Variants in NUDT3 observed in about 807,000 individuals in gnomAD.
The protein encoded by NUDT3 is diphosphoinositol polyphosphate phosphohydrolase 1.
NUDT3 carries 9 observed loss-of-function variants against 23.6 expected under a neutral mutation model. The observed-to-expected ratio is 0.38, with a 90% CI of 0.23 to 0.66. The LOEUF (loss-of-function observed/expected upper bound fraction) is 0.66. Ranked by LOEUF, NUDT3 falls within the 30% of genes least tolerant of loss-of-function variation. The probability of loss-of-function intolerance (pLI) is 0.52; values close to 1 mark genes in which losing one functional copy is unlikely to be tolerated. For missense variants in NUDT3, 172 were observed against 218.5 expected (o/e 0.79, Z 1.34); for synonymous variants, 86 against 82.6 (o/e 1.04, Z -0.22).
chr6:34,340,266 T>C (rs1764268394), intron 2 of NUDT3, among the ~76,000 whole-genome samples: 1 of 152,196 alleles, frequency 6.6e-6, no homozygotes, highest in African/African-American at 2.4e-5. Context: ...GACTTCTTAT[T>C]ATGCGATATA....
chr6:34,340,088 A>C (rs941880998), intron 2 of NUDT3, among the ~76,000 whole-genome samples: 1 of 152,226 alleles, frequency 6.6e-6, no homozygotes, highest in East Asian at 1.9e-4. Flanking sequence ...AAAGAGACCC[A>C]TGAGGTGAAA....
intron 1 of NUDT3, among the ~76,000 whole-genome samples, chr6:34,362,271 C>T (rs981095040): frequency 6.6e-6 from 1 of 152,176 alleles, no homozygotes; most frequent in Non-Finnish European, 1.5e-5. Context: ...AGTGCAGTGG[C>T]ATGATCATAG....
At chr6:34,381,600 A>C (rs994878987) in intron 1 of NUDT3, among the ~76,000 whole-genome samples, 3 of 152,126 alleles carry the variant, frequency 2.0e-5, no homozygotes, top group Non-Finnish European at 4.4e-5. Context: ...ATAAAATCTA[A>C]AAGTTTTGTC....
chr6:34,360,243 A>G (rs1764628567), intron 1 of NUDT3, among the ~76,000 whole-genome samples: 1 of 150,862 alleles, frequency 6.6e-6, no homozygotes, highest in African/African-American at 2.4e-5. Context: ...GTCTCAAAAA[A>G]AAAAAAAAAA....
In NUDT3 at chr6:34,295,704, A is replaced by G; in HGVS notation, c.211-19T>C. The G allele has an allele frequency of 6.2e-7, 1 of 1,613,620 alleles. No individual in the cohort carries two copies. The highest frequency in any genetic ancestry group is 8.5e-7 in the Non-Finnish European group (1 of 1,179,752). ...CTCCAGCCTAGAAAGTGAAAAGAACAATTAATGCACTGATAGTATTATATT... is the reference window on the plus strand; with the variant it reads ...CTCCAGCCTAGAAAGTGAAAAGAACGATTAATGCACTGATAGTATTATATT... On this transcript the variant is annotated intron_variant, in intron 2 of 4. Coordinates refer to ENST00000607016, the MANE Select transcript of NUDT3 (RefSeq NM_006703.4).
intron 1 of NUDT3, among the ~76,000 whole-genome samples, chr6:34,365,713 G>C (rs924707008): frequency 6.6e-6 from 1 of 152,128 alleles, no homozygotes; most frequent in African/African-American, 2.4e-5. Context: ...AGGAGTTCGA[G>C]ACGAGTCTGG....
chr6:34,321,353 G>A lies in NUDT3; in HGVS notation c.210+20509C>T, dbSNP rs552934698. On this transcript the variant is annotated intron_variant, in intron 2 of 4. Coordinates refer to ENST00000607016, the MANE Select transcript of NUDT3 (RefSeq NM_006703.4). ...CTCAAGAGGCTGAGACAGGAGAATCGCTTGAACCTGGGAGGCAGAGATTGC... is the reference window on the plus strand; with the variant it reads ...CTCAAGAGGCTGAGACAGGAGAATCACTTGAACCTGGGAGGCAGAGATTGC... Among the ~76,000 whole-genome samples the A allele has an allele frequency of 2.0e-5, 3 of 151,996 alleles. No individual in the cohort carries two copies. The East Asian group carries it at 5.8e-4, about 29-fold the overall frequency.
At chr6:34,311,071 A>G (rs1763764978) in intron 2 of NUDT3, among the ~76,000 whole-genome samples, 1 of 152,136 alleles carries the variant, frequency 6.6e-6, no homozygotes, top group Non-Finnish European at 1.5e-5. Context: ...ACAAAAAACT[A>G]TCGCTAACAT....
rs1428219697 is a variant in NUDT3 at position 34,283,221 on chromosome 6, T to G, written c.*5532A>C. The G allele has an allele frequency of 6.7e-6, 1 of 148,820 alleles. No homozygotes were observed. Among genetic ancestry groups the G allele is most frequent in the African/African-American group, 2.5e-5 (1 of 40,232 alleles). 9.2% of individuals were successfully genotyped at this position (148,820 alleles called of 1,614,324 possible). On this transcript the variant is annotated 3_prime_UTR_variant, in exon 5 of 5. Transcript: ENST00000607016. ...CCTTTTCTTTTTTTTTTTTTTTTTT[T>G]TGAGACGGAGTCTTGCTCTGTCGCC...
chr6:34,334,477 T>C (rs1764175661), intron 2 of NUDT3, among the ~76,000 whole-genome samples: 1 of 151,408 alleles, frequency 6.6e-6, no homozygotes, highest in Admixed American at 6.6e-5. Context: ...CCGTCTCTAC[T>C]AAAAATACGA....
intron 1 of NUDT3, among the ~76,000 whole-genome samples, chr6:34,374,994 A>G (rs1581898385): frequency 6.6e-6 from 1 of 152,222 alleles, no homozygotes; most frequent in Non-Finnish European, 1.5e-5. Context: ...GGGATAAGGA[A>G]ATATATGAAA....
At chr6:34,302,202 T>C (rs1440685098) in intron 2 of NUDT3, among the ~76,000 whole-genome samples, 1 of 151,970 alleles carries the variant, frequency 6.6e-6, no homozygotes, top group East Asian at 1.9e-4. Context: ...TGGCTTTTTT[T>C]TTTTTTTGGT....
At position 34,284,153 on chromosome 6, in the gene NUDT3, C is replaced by A. The variant is rs1326306420; in HGVS notation, c.*4600G>T. ...GAACTGCCCACCTCAACTGGGCAGT[C>A]TGACCTCTTCCACAGTCTTTAAGAA... On this transcript the variant is annotated 3_prime_UTR_variant, in exon 5 of 5. Coordinates refer to ENST00000607016, the MANE Select transcript of NUDT3 (RefSeq NM_006703.4). 6.6e-6 allele frequency: 1 copy of A among 152,228 alleles called. No homozygotes were observed. Among genetic ancestry groups the A allele is most frequent in the Non-Finnish European group, 1.5e-5 (1 of 68,050 alleles). The allele number at this position is 152,228 out of a possible 1,614,324, so 9.4% of individuals were successfully genotyped here. A position where few individuals can be genotyped will look rare whatever the true frequency, so the allele number is the denominator to read the frequency against.
At chr6:34,300,749 G>A (rs568257115) in intron 2 of NUDT3, among the ~76,000 whole-genome samples, 5 of 152,318 alleles carry the variant, frequency 3.3e-5, no homozygotes, top group African/African-American at 1.2e-4. Flanking sequence ...AACTGATGAT[G>A]CTGAAGCCAC....
chr6:34,342,476 CCAATA>C (rs1764303905), intron 1 of NUDT3, among the ~76,000 whole-genome samples: 1 of 152,074 alleles, frequency 6.6e-6, no homozygotes, highest in Non-Finnish European at 1.5e-5. Flanking sequence ...TGGCCACAGG[CCAATA>C]CAATACACCA....
rs764301082 is a variant in NUDT3 at position 34,279,795 on chromosome 6, G to T, written c.*8958C>A. 6.6e-6 allele frequency: 1 copy of T among 152,188 alleles called. No homozygotes were observed. Among genetic ancestry groups the T allele is most frequent in the Non-Finnish European group, 1.5e-5 (1 of 68,052 alleles). The allele number at this position is 152,188 out of a possible 1,614,324, so 9.4% of individuals were successfully genotyped here. ...AACTGATTAACACATAGAAAGGAAC[G>T]GCAGGCTCACAGGTTTAAGCATTTG... On this transcript the variant is annotated 3_prime_UTR_variant, in exon 5 of 5. Transcript: ENST00000607016.
Position 34,281,854 on chromosome 6 carries a change from C to A in NUDT3, c.*6899G>T, listed in dbSNP as rs568928119. On this transcript the variant is annotated 3_prime_UTR_variant, in exon 5 of 5. Transcript: ENST00000607016. Reference sequence around the variant, plus strand: ...AGTCACGAGGGATGGGGTGAGCGGGCAGGTTTCTGTCTGTGAGCTATAGCT... The same window carrying A: ...AGTCACGAGGGATGGGGTGAGCGGGAAGGTTTCTGTCTGTGAGCTATAGCT... 6.6e-6 allele frequency: 1 copy of A among 152,298 alleles called. No homozygotes were observed. Among genetic ancestry groups the A allele is most frequent in the African/African-American group, 2.4e-5 (1 of 41,574 alleles). The allele number at this position is 152,298 out of a possible 1,614,324, so 9.4% of individuals were successfully genotyped here.
In NUDT3 at chr6:34,351,202, A is replaced by AAAAAAAAAAC. The variant is rs1764464257; in HGVS notation, c.100-9231_100-9230insGTTTTTTTTT. On this transcript the variant is annotated intron_variant, in intron 1 of 4. Transcript: ENST00000607016. The stretch of plus-strand genomic sequence containing the variant: ...TCGTCTCTACACTCCCCTGCCTAAA[A>AAAAAAAAAAC]AAAAAAAAAAAAAAAAAAAAAAAAC... Among the ~76,000 whole-genome samples the AAAAAAAAAAC allele has an allele frequency of 2.8e-5, 3 of 107,414 alleles. No individual in the cohort carries two copies. In the South Asian group the frequency reaches 9.1e-4, roughly 33 times the overall value. The allele number at this position is 107,414 out of a possible 152,430, so 70.5% of individuals were successfully genotyped here.
At chr6:34,386,659 A>AT (rs1407569741) in intron 1 of NUDT3, among the ~76,000 whole-genome samples, 2 of 152,304 alleles carry the variant, frequency 1.3e-5, no homozygotes, top group East Asian at 3.9e-4. Flanking sequence ...ACTATATAAC[A>AT]TTTCAGTCAA....
Sources: gnomAD v4.1 joint callset for allele counts (sites outside exome capture counted in the v4.1 genomes callset) on GRCh38, gnomAD v4.1.1 for gene constraint, MANE v1.5 for transcripts, NCBI Gene and HGNC (gene_info 2026-07-23, HGNC 2026-07-21) for gene names.